The following LRP5 variants were observed in gnomAD, a reference collection of about 807,000 sequenced individuals.
The protein encoded by LRP5 is LDL receptor related protein 5.
A neutral mutation model predicts 154.1 loss-of-function variants in LRP5; 62 were observed. That is an observed-to-expected ratio of 0.40 (90% CI 0.33 to 0.50). LRP5 has a LOEUF of 0.50. Ranked by LOEUF, LRP5 falls within the 20% of genes least tolerant of loss-of-function variation. LRP5 has a pLI of 0.55. For synonymous variants in LRP5, 966 were observed against 1,011.5 expected (o/e 0.96, Z 0.85); for missense variants, 1,915 against 2,336.7 (o/e 0.82, Z 3.72).
At chr11:68,341,232 A>G (rs2098608970) in intron 1 of LRP5, among the ~76,000 whole-genome samples, 1 of 151,856 alleles carries the variant, frequency 6.6e-6, no homozygotes, top group Non-Finnish European at 1.5e-5. Context: ...TGTTTCTGAA[A>G]GGTTTGTTCT....
At chr11:68,433,912 C>T (rs2098673421) in intron 18 of LRP5, 74 bp downstream of exon 18, 17 of 1,428,638 alleles carry the variant, frequency 1.2e-5, no homozygotes, top group East Asian at 4.8e-5. Context: ...GGGCTGCCTC[C>T]GGCCTCACAG....
intron 3 of LRP5, 95 bp downstream of exon 3, chr11:68,357,942 C>G (rs1324699783): frequency 3.3e-6 from 4 of 1,210,798 alleles, no homozygotes; most frequent in Non-Finnish European, 4.7e-6. Context: ...AGACTCTTCT[C>G]TGAAACTCTG....
intron 12 of LRP5, 125 bp from the exon 13 acceptor site, chr11:68,416,203 T>A: frequency 1.2e-6 from 1 of 802,316 alleles, no homozygotes; most frequent in Non-Finnish European, 2.2e-6. Context: ...TCCCCCCGTC[T>A]TTCCCGTGGA....
intron 7 of LRP5, among the ~76,000 whole-genome samples, chr11:68,398,875 C>T (rs535809228): frequency 6.6e-4 from 101 of 152,150 alleles, no homozygotes; most frequent in African/African-American, 2.3e-3. Context: ...GCGGGGACTA[C>T]GGGTGTGTGC....
chr11:68,337,932 C>T (rs1385806520), intron 1 of LRP5, among the ~76,000 whole-genome samples: 1 of 152,236 alleles, frequency 6.6e-6, no homozygotes, highest in Non-Finnish European at 1.5e-5. Flanking sequence ...CTGCCTGGGC[C>T]ACCTGCAGTC....
At chr11:68,420,796 C>T (rs556397898) in intron 13 of LRP5, among the ~76,000 whole-genome samples, 11 of 151,996 alleles carry the variant, frequency 7.2e-5, no homozygotes, top group East Asian at 3.9e-4. Context: ...CTTTGGTTGT[C>T]GTGAATAAGG....
chr11:68,310,978 G>GA (rs2098587429), upstream of LRP5, among the ~76,000 whole-genome samples: 4 of 152,120 alleles, frequency 2.6e-5, no homozygotes, highest in Admixed American at 2.0e-4. Context: ...TCCTGAGATG[G>GA]CAGCCCTCAC....
intron 7 of LRP5, among the ~76,000 whole-genome samples, chr11:68,402,572 C>T (rs1213334268): frequency 1.3e-5 from 2 of 151,962 alleles, no homozygotes; most frequent in African/African-American, 4.8e-5. Context: ...CATAACTGCC[C>T]CAGGTCCTTA....
At chr11:68,436,826 G>T in intron 18 of LRP5, 63 bp from the exon 19 acceptor site, 1 of 1,209,058 alleles carries the variant, frequency 8.3e-7, no homozygotes. Context: ...TGGTTGCTGT[G>T]CCCTGCATGG....
At chr11:68,412,167 C>A (rs1373044619) in intron 11 of LRP5, among the ~76,000 whole-genome samples, 1 of 152,162 alleles carries the variant, frequency 6.6e-6, no homozygotes, top group Non-Finnish European at 1.5e-5. Flanking sequence ...TTGAAAAAAA[C>A]CTATCCCAAG....
At chr11:68,405,755 G>T (rs1379946104) in intron 8 of LRP5, among the ~76,000 whole-genome samples, 1 of 152,194 alleles carries the variant, frequency 6.6e-6, no homozygotes, top group Non-Finnish European at 1.5e-5. Context: ...TTAACAGACT[G>T]GCCAAAAATA....
At chr11:68,437,880 C>T (rs749150891) in intron 19 of LRP5, among the ~76,000 whole-genome samples, 2 of 152,248 alleles carry the variant, frequency 1.3e-5, no homozygotes, top group Non-Finnish European at 1.5e-5. Context: ...CGCCAGAGCC[C>T]GCACGCTTCC....
rs1020417239 is a variant in LRP5, at chr11:68,413,023, C to G, written c.2504-666C>G. On this transcript the variant is annotated intron_variant, in intron 11 of 22. Transcript: ENST00000294304. The surrounding 1 kb of genome is among the most constrained non-coding windows in gnomAD (Gnocchi z 5.1). ...TGGTTGTCGCTGGGGGTGGGCTGCA[C>G]CCTGACTTGTGAGGCCAGTAGCAAG... is the stretch of plus-strand genomic sequence containing the variant. The G allele has an allele frequency of 5.5e-6, 1 of 181,876 alleles. No homozygotes were observed. Among genetic ancestry groups the G allele is most frequent in the East Asian group, 9.2e-5 (1 of 10,866 alleles). 11.3% of individuals were successfully genotyped at this position (181,876 alleles called of 1,614,324 possible). A position where few individuals can be genotyped will look rare whatever the true frequency, so the allele number is the denominator to read the frequency against.
chr11:68,387,495 A>G (rs1435998473), intron 6 of LRP5, among the ~76,000 whole-genome samples: 2 of 152,224 alleles, frequency 1.3e-5, no homozygotes, highest in African/African-American at 4.8e-5. Flanking sequence ...AGTTGAGGAC[A>G]CTGAAGCCCA....
chr11:68,323,798 G>A (rs561430191), intron 1 of LRP5, among the ~76,000 whole-genome samples: 1 of 152,234 alleles, frequency 6.6e-6, no homozygotes, highest in Non-Finnish European at 1.5e-5. Flanking sequence ...ATTTGAACAC[G>A]AAGAGAGTGT....
Position 68,421,686 on chromosome 11 carries a change from CTGTGTGTG to C in LRP5, c.3028-1772_3028-1765del, listed in dbSNP as rs148066763. Among the ~76,000 whole-genome samples the C allele has an allele frequency of 1.6e-4, 22 of 133,406 alleles. 1 individual carries two copies. The South Asian group carries it at 2.1e-3, about 13-fold the overall frequency. The allele number at this position is 133,406 out of a possible 152,430, so 87.5% of individuals were successfully genotyped here. A position where few individuals can be genotyped will look rare whatever the true frequency, so the allele number is the denominator to read the frequency against. On this transcript the variant is annotated intron_variant, in intron 13 of 22. Coordinates refer to ENST00000294304, the MANE Select transcript of LRP5 (RefSeq NM_002335.4). ...ATGTCTTTGCAGCTGCCCAGCAAGG[CTGTGTGTG>C]TGTGTGTGTGTGTGTGTGTGTGTGT... is the stretch of plus-strand genomic sequence containing the variant.
At chr11:68,307,845 A>G (rs535487661), upstream of LRP5, among the ~76,000 whole-genome samples, 10 of 152,196 alleles carry the variant, frequency 6.6e-5, no homozygotes, top group Non-Finnish European at 1.2e-4. Context: ...AAAGTAAGGT[A>G]GAAAGAGTAT....
chr11:68,365,969 C>G (rs1263437097), intron 5 of LRP5, among the ~76,000 whole-genome samples: 1 of 152,198 alleles, frequency 6.6e-6, no homozygotes, highest in East Asian at 1.9e-4. Context: ...CCTTGGTCCT[C>G]AGGCACTTGG....
intron 21 of LRP5, 71 bp from the exon 22 acceptor site, chr11:68,446,364 AG>A: frequency 1.9e-6 from 2 of 1,053,212 alleles, no homozygotes. Flanking sequence ...GGAAAGCCCG[AG>A]GGGTGTGGGA....
Sources: gnomAD v4.1 joint callset for allele counts (sites outside exome capture counted in the v4.1 genomes callset) on GRCh38, gnomAD v4.1.1 for gene constraint, Gnocchi (gnomAD v3.1) non-coding constraint, MANE v1.5 for transcripts, NCBI Gene and HGNC (gene_info 2026-07-23, HGNC 2026-07-21) for gene names.